The following FAM107B variants were observed in gnomAD, a reference collection of about 807,000 sequenced individuals.
The protein encoded by FAM107B is family with sequence similarity 107 member B, also known as protein FAM107B.
Under a neutral mutation model 31.5 loss-of-function variants are expected in FAM107B, and 21 were observed. The observed-to-expected ratio is 0.67, with a 90% CI of 0.47 to 0.96. The LOEUF (loss-of-function observed/expected upper bound fraction) is 0.96, where lower values mean the gene tolerates loss of function less well. FAM107B is among the 40% of genes least tolerant of loss of function. The pLI, the probability that FAM107B is intolerant of heterozygous loss-of-function variation, is 0.00. For synonymous variants in FAM107B, 157 were observed against 141.5 expected (o/e 1.11, Z -0.78); for missense variants, 452 against 377.1 (o/e 1.20, Z -1.64).
intron 2 of FAM107B, among the ~76,000 whole-genome samples, chr10:14,591,345 C>G (rs531588287): frequency 4.6e-5 from 7 of 152,148 alleles, no homozygotes; most frequent in Non-Finnish European, 1.0e-4. Context: ...ACAAAATTAA[C>G]CTGACAGGGT....
intron 1 of FAM107B, among the ~76,000 whole-genome samples, chr10:14,730,154 AT>A: frequency 6.6e-6 from 1 of 152,334 alleles, no homozygotes; most frequent in South Asian, 2.1e-4. Flanking sequence ...ATGTATACCT[AT>A]GAAACAAACC....
At chr10:14,650,092 G>C (rs1289016548) in intron 2 of FAM107B, among the ~76,000 whole-genome samples, 1 of 152,162 alleles carries the variant, frequency 6.6e-6, no homozygotes, top group Non-Finnish European at 1.5e-5. Flanking sequence ...CCTGGAGGAA[G>C]CTTTCCAGAA....
intron 2 of FAM107B, among the ~76,000 whole-genome samples, chr10:14,582,868 C>T (rs1316799458): frequency 6.6e-6 from 1 of 151,872 alleles, no homozygotes; most frequent in Non-Finnish European, 1.5e-5. Flanking sequence ...CGTGAACCAC[C>T]TGAGGTCAGG....
intron 2 of FAM107B, among the ~76,000 whole-genome samples, chr10:14,565,215 C>T (rs995757995): frequency 6.6e-6 from 1 of 152,168 alleles, no homozygotes; most frequent in Non-Finnish European, 1.5e-5. Flanking sequence ...TTTATCATAG[C>T]TTATTTTCTA....
chr10:14,728,791 G>C (rs935458925), intron 1 of FAM107B, among the ~76,000 whole-genome samples: 2 of 152,166 alleles, frequency 1.3e-5, no homozygotes, highest in African/African-American at 2.4e-5. Context: ...TGGCTTATGA[G>C]ATGAAGAGTA....
At position 14,774,528 on chromosome 10, in the gene FAM107B, C is replaced by A. The variant is rs775071180; in HGVS notation, c.136G>T (p.Ala46Ser). Residue 46 changes from alanine to serine, a missense_variant, in exon 1 of 5, where the codon GCT becomes TCT. Coordinates refer to ENST00000181796, the MANE Select transcript of FAM107B (RefSeq NM_031453.4). The stretch of plus-strand genomic sequence containing the variant: ...ACACGGACGGTGGAATGAGTATCAG[C>A]CACGCCGGACTGATTGAAGGAAGCA... ...ESASFNQSGV[A>S]DTHSTVRVQP... 44 of 1,614,096 alleles carry A rather than the reference C, an allele frequency of 2.7e-5. No homozygotes were observed. The East Asian group carries it at 8.9e-4, about 33-fold the overall frequency.
At chr10:14,576,541 C>CAACAACAA (rs1851472311) in intron 2 of FAM107B, among the ~76,000 whole-genome samples, 1 of 151,864 alleles carries the variant, frequency 6.6e-6, no homozygotes, top group South Asian at 2.1e-4. Flanking sequence ...ACAACAACAA[C>CAACAACAA]AACAACAACA....
At chr10:14,664,107 T>G (rs891795080) in intron 2 of FAM107B, among the ~76,000 whole-genome samples, 3 of 152,178 alleles carry the variant, frequency 2.0e-5, no homozygotes, top group African/African-American at 7.2e-5. Context: ...ACCTCCTTAG[T>G]GCTCCCTGGC....
intron 1 of FAM107B, among the ~76,000 whole-genome samples, chr10:14,689,288 G>C (rs1588707370): frequency 6.6e-6 from 1 of 151,344 alleles, no homozygotes; most frequent in Admixed American, 6.6e-5. Context: ...GCTGAGGTGG[G>C]AGGATTGCTT....
At chr10:14,629,428 A>T (rs1245362920) in intron 2 of FAM107B, among the ~76,000 whole-genome samples, 1 of 11,490 alleles carries the variant, frequency 8.7e-5, no homozygotes, top group Non-Finnish European at 1.3e-4. Context: ...AATATATATA[A>T]TATATATTAT....
At chr10:14,623,912 A>G (rs886500400) in intron 2 of FAM107B, among the ~76,000 whole-genome samples, 3 of 152,330 alleles carry the variant, frequency 2.0e-5, no homozygotes, top group African/African-American at 7.2e-5. Flanking sequence ...CTGTCGCTCA[A>G]TGAGAATGTC....
chr10:14,697,190 G>A (rs973949836), intron 1 of FAM107B, among the ~76,000 whole-genome samples: 1 of 152,166 alleles, frequency 6.6e-6, no homozygotes, highest in African/African-American at 2.4e-5. Context: ...GCCCCTTAAA[G>A]AGGAGCTGGA....
In FAM107B at chr10:14,686,350, C is replaced by T. The variant is rs549936002; in HGVS notation, c.412-18659G>A. ...ATTGCAGTGAGCTGAGATTGCACCA[C>T]TGGACTCCAGCCTAGGCGACAGAGC... On this transcript the variant is annotated intron_variant, in intron 1 of 4. Transcript: ENST00000181796. 2.0e-5 allele frequency among the ~76,000 whole-genome samples: 3 copies of T among 150,292 alleles called. No individual in the cohort carries two copies. The East Asian group carries it at 5.9e-4, about 29-fold the overall frequency.
intron 1 of FAM107B, among the ~76,000 whole-genome samples, chr10:14,710,872 A>G (rs909227913): frequency 4.6e-5 from 7 of 152,172 alleles, no homozygotes; most frequent in African/African-American, 1.7e-4. Context: ...AAGGTTTATA[A>G]GGTAAAAATT....
rs1845549205 is a variant in FAM107B, at chr10:14,520,743, T to C, written c.*447A>G. ...ACAGTGAGTGAACAGATTAAACGCATTTCTAGGTGATCTCAATTATCTAAC... is the reference window on the plus strand; with the variant it reads ...ACAGTGAGTGAACAGATTAAACGCACTTCTAGGTGATCTCAATTATCTAAC... On this transcript the variant is annotated 3_prime_UTR_variant, in exon 5 of 5. Coordinates refer to ENST00000181796, the MANE Select transcript of FAM107B (RefSeq NM_031453.4). The C allele has an allele frequency of 6.5e-6, 1 of 153,642 alleles. No individual in the cohort carries two copies. The highest frequency in any genetic ancestry group is 2.4e-5 in the African/African-American group (1 of 41,486). 9.5% of individuals were successfully genotyped at this position (153,642 alleles called of 1,614,324 possible). A position where few individuals can be genotyped will look rare whatever the true frequency, so the allele number is the denominator to read the frequency against.
chr10:14,610,525 T>C (rs78891690), intron 2 of FAM107B, among the ~76,000 whole-genome samples: 2,300 of 152,314 alleles, frequency 0.015, 66 homozygotes, highest in African/African-American at 0.048. Context: ...AGAGAACTCA[T>C]TTGTGGAAAA....
At chr10:14,559,769 G>C (rs1850076982) in intron 2 of FAM107B, among the ~76,000 whole-genome samples, 1 of 149,322 alleles carries the variant, frequency 6.7e-6, no homozygotes, top group Non-Finnish European at 1.5e-5. Context: ...TTTTAGTAGA[G>C]ACGGGGTTTC....
At chr10:14,770,348 A>C (rs1833273074) in intron 1 of FAM107B, among the ~76,000 whole-genome samples, 1 of 151,698 alleles carries the variant, frequency 6.6e-6, no homozygotes, top group Non-Finnish European at 1.5e-5. Context: ...CATGGTGAAA[A>C]CCCATCTCTA....
chr10:14,719,910 CTG>C (rs1161243266), intron 1 of FAM107B, among the ~76,000 whole-genome samples: 2 of 152,192 alleles, frequency 1.3e-5, no homozygotes, highest in African/African-American at 4.8e-5. Flanking sequence ...CTCCAGTTCT[CTG>C]TGTTAGATTC....
Sources: allele counts gnomAD v4.1 joint callset (sites outside exome capture counted in the v4.1 genomes callset), GRCh38; gene constraint gnomAD v4.1.1; transcripts MANE v1.5; gene names NCBI Gene and HGNC (gene_info 2026-07-23, HGNC 2026-07-21).